GALNT10: variants seen among roughly 807,000 people sequenced by gnomAD.
The protein encoded by GALNT10 is polypeptide N-acetylgalactosaminyltransferase 10, also known as GalNAc transferase 10.
Under a neutral mutation model 75.0 loss-of-function variants are expected in GALNT10, and 41 were observed. The observed-to-expected ratio is 0.55, with a 90% CI of 0.43 to 0.71. The LOEUF is 0.71. Among genes scored for constraint, GALNT10 ranks in the 30% least tolerant of loss-of-function variants. GALNT10 has a pLI of 0.00. For missense variants in GALNT10, 727 were observed against 818.5 expected (o/e 0.89, Z 1.36); for synonymous variants, 302 against 313.0 (o/e 0.96, Z 0.37).
intron 7 of GALNT10, among the ~76,000 whole-genome samples, chr5:154,393,534 A>G (rs1020108181): frequency 6.6e-6 from 1 of 152,178 alleles, no homozygotes; most frequent in Admixed American, 6.5e-5. Flanking sequence ...TAACCAGGAA[A>G]AGTTACAAGA....
chr5:154,377,907 G>A (rs1313731826), intron 5 of GALNT10, among the ~76,000 whole-genome samples: 1 of 152,070 alleles, frequency 6.6e-6, no homozygotes, highest in Admixed American at 6.5e-5. Context: ...AGTCCTGAAG[G>A]AACAACCCAT....
rs1775053322 is a variant in GALNT10, at chr5:154,203,169, T to TTGGG, written c.159+12147_159+12150dup. ...TGACTTGTATGGACTCTCTTTCACTTTGGGTGTATGACTCTTTCACCTGTC... is the reference window on the plus strand; with the variant it reads ...TGACTTGTATGGACTCTCTTTCACTTTGGGTGGGTGTATGACTCTTTCACCTGTC... On this transcript the variant is annotated intron_variant, in intron 1 of 11. Transcript: ENST00000297107. 3.9e-5 allele frequency among the ~76,000 whole-genome samples: 6 copies of TTGGG among 152,304 alleles called. 1 individual carries two copies. The South Asian group carries it at 1.2e-3, about 32-fold the overall frequency.
intron 3 of GALNT10, among the ~76,000 whole-genome samples, chr5:154,315,896 C>T (rs1441536868): frequency 6.6e-6 from 1 of 152,224 alleles, no homozygotes; most frequent in Admixed American, 6.5e-5. Flanking sequence ...TTCTTATTCA[C>T]TTCTCAGCTC....
At chr5:154,390,818 C>T in intron 7 of GALNT10, among the ~76,000 whole-genome samples, 1 of 152,222 alleles carries the variant, frequency 6.6e-6, no homozygotes, top group Non-Finnish European at 1.5e-5. Context: ...TACTGATGCT[C>T]ATCAGGCAAT....
chr5:154,320,157 AATGG>A (rs1754651918), intron 3 of GALNT10, among the ~76,000 whole-genome samples: 1 of 152,204 alleles, frequency 6.6e-6, no homozygotes, highest in Admixed American at 6.5e-5. Flanking sequence ...TTAGGAAATG[AATGG>A]ATGGATAGAG....
chr5:154,252,083 A>T (rs1753531391), intron 1 of GALNT10, among the ~76,000 whole-genome samples: 1 of 152,124 alleles, frequency 6.6e-6, no homozygotes, highest in Non-Finnish European at 1.5e-5. Flanking sequence ...CCCATGTTAT[A>T]CACACAACAA....
intron 3 of GALNT10, among the ~76,000 whole-genome samples, chr5:154,306,944 G>C (rs1754443836): frequency 6.6e-6 from 1 of 152,160 alleles, no homozygotes; most frequent in Non-Finnish European, 1.5e-5. Flanking sequence ...TTATTTTCAA[G>C]TGGATATGAA....
intron 4 of GALNT10, chr5:154,338,138 C>G (rs1754971820): frequency 1.1e-6 from 1 of 892,922 alleles, no homozygotes. Flanking sequence ...GGCACCTGGT[C>G]TTTGAGAATC....
chr5:154,378,312 T>C (rs927417067), intron 5 of GALNT10, among the ~76,000 whole-genome samples: 1 of 75,968 alleles, frequency 1.3e-5, no homozygotes, highest in African/African-American at 5.7e-5. Flanking sequence ...CATCATTTCC[T>C]TTTTTATCAT....
rs1416182449 is a variant in GALNT10 at position 154,402,902 on chromosome 5, G to A, written c.1057-1202G>A. 1 of 152,210 alleles carries A rather than the reference G, an allele frequency of 6.6e-6. No homozygotes were observed. The highest frequency in any genetic ancestry group is 1.5e-5 in the Non-Finnish European group (1 of 68,046). The allele number at this position is 152,210 out of a possible 1,614,324, so 9.4% of individuals were successfully genotyped here. A position where few individuals can be genotyped will look rare whatever the true frequency, so the allele number is the denominator to read the frequency against. On this transcript the variant is annotated intron_variant, in intron 7 of 11. Coordinates refer to ENST00000297107, the MANE Select transcript of GALNT10 (RefSeq NM_198321.4). The surrounding 1 kb of genome is among the most constrained non-coding windows in gnomAD (Gnocchi z 4.2). ...ACCGTCATTTCTGCAGTATCCTGTG[G>A]GTTACACAGGTCAGTCCTCATGTGA...
chr5:154,377,280 C>T (rs1281499221), intron 5 of GALNT10, among the ~76,000 whole-genome samples: 2 of 152,112 alleles, frequency 1.3e-5, no homozygotes, highest in African/African-American at 4.8e-5. Context: ...GAGGAACTGT[C>T]CTGTTGAGAC....
intron 3 of GALNT10, among the ~76,000 whole-genome samples, chr5:154,320,164 G>C (rs902210389): frequency 3.9e-5 from 6 of 152,160 alleles, no homozygotes; most frequent in African/African-American, 1.4e-4. Flanking sequence ...ATGAATGGAT[G>C]GATAGAGGAG....
chr5:154,323,932 T>G (rs1754714765), intron 3 of GALNT10, among the ~76,000 whole-genome samples: 1 of 152,228 alleles, frequency 6.6e-6, no homozygotes, highest in Non-Finnish European at 1.5e-5. Context: ...GCCTCTGCCT[T>G]GAGCCTCAGC....
chr5:154,222,825 A>T (rs1753004675), intron 1 of GALNT10, among the ~76,000 whole-genome samples: 3 of 152,136 alleles, frequency 2.0e-5, no homozygotes, highest in Admixed American at 1.3e-4. Flanking sequence ...AGAATGTTTT[A>T]TGTATTCTGC....
chr5:154,221,384 G>C (rs1217444282), intron 1 of GALNT10, among the ~76,000 whole-genome samples: 1 of 152,194 alleles, frequency 6.6e-6, no homozygotes, highest in Non-Finnish European at 1.5e-5. Flanking sequence ...TCTGGGGTGA[G>C]GGGTATCCTC....
intron 4 of GALNT10, among the ~76,000 whole-genome samples, chr5:154,336,131 A>T (rs1754941256): frequency 6.6e-6 from 1 of 152,220 alleles, no homozygotes; most frequent in Admixed American, 6.5e-5. Context: ...ATATGCACTT[A>T]AGATTCCTCC....
At chr5:154,389,202 G>A (rs1755857008) in intron 7 of GALNT10, 1 of 151,640 alleles carries the variant, frequency 6.6e-6, no homozygotes, top group African/African-American at 2.4e-5. Flanking sequence ...CAATTTTTAT[G>A]AGTCATAATT....
At chr5:154,210,744 A>G (rs1775184016) in intron 1 of GALNT10, among the ~76,000 whole-genome samples, 1 of 152,254 alleles carries the variant, frequency 6.6e-6, no homozygotes, top group Non-Finnish European at 1.5e-5. Context: ...TGAACCAGAA[A>G]AAAATAAATT....
chr5:154,258,054 G>A (rs1365010115), intron 1 of GALNT10, among the ~76,000 whole-genome samples: 1 of 152,154 alleles, frequency 6.6e-6, no homozygotes, highest in African/African-American at 2.4e-5. Context: ...AGGAAGAAAG[G>A]AGTTAGGAAG....
Sources: gnomAD v4.1 joint callset for allele counts (sites outside exome capture counted in the v4.1 genomes callset) on GRCh38, gnomAD v4.1.1 for gene constraint, Gnocchi (gnomAD v3.1) non-coding constraint, MANE v1.5 for transcripts, NCBI Gene and HGNC (gene_info 2026-07-23, HGNC 2026-07-21) for gene names.